Variants in PIWIL3 observed in about 807,000 individuals in gnomAD.
The protein encoded by PIWIL3 is piwi-like protein 3.
In PIWIL3, 101 loss-of-function variants were observed where a neutral mutation model predicts 109.7. The ratio of observed to expected loss-of-function variants is 0.92; its 90% CI spans 0.78 to 1.09. PIWIL3 has a LOEUF of 1.09. Among genes scored for constraint, PIWIL3 ranks in the 50% least tolerant of loss-of-function variants. The pLI is 0.00. For missense variants in PIWIL3, 1,031 were observed against 1,072.6 expected (o/e 0.96, Z 0.54); for synonymous variants, 373 against 376.4 (o/e 0.99, Z 0.10).
Position 24,754,791 on chromosome 22 carries a change from G to T in PIWIL3, c.766C>A (p.Arg256Ser). The T allele has an allele frequency of 6.2e-7, 1 of 1,602,830 alleles. No homozygotes were observed. The highest frequency in any genetic ancestry group is 8.5e-7 in the Non-Finnish European group (1 of 1,170,020). Residue 256 changes from arginine to serine, a missense_variant, in exon 7 of 21, where the codon CGT becomes AGT. Coordinates refer to ENST00000616349, the MANE Select transcript of PIWIL3 (RefSeq NM_001255975.1). ...YTKKKAIQLY[R>S]HGTSLEIWLG... is the part of the protein sequence containing the mutation. ...TTTCTACTTTATACAAACCCATGACGGTATAACTGAATGGCCTTCTTTTTG... is the reference window on the plus strand; with the variant it reads ...TTTCTACTTTATACAAACCCATGACTGTATAACTGAATGGCCTTCTTTTTG...
intron 4 of PIWIL3, among the ~76,000 whole-genome samples, 156 bp from the exon 5 acceptor site, chr22:24,756,861 C>G (rs1925067203): frequency 6.6e-6 from 1 of 152,010 alleles, no homozygotes; most frequent in Admixed American, 6.5e-5. Flanking sequence ...GGGTGGATCA[C>G]CTGACATCAG....
intron 1 of PIWIL3, among the ~76,000 whole-genome samples, chr22:24,763,909 C>A (rs1419873611): frequency 1.3e-5 from 2 of 152,218 alleles, no homozygotes; most frequent in African/African-American, 4.8e-5. Context: ...CGCTATGCAC[C>A]GGCGCTCTGT....
At chr22:24,761,043 G>A (rs181527233) in intron 2 of PIWIL3, among the ~76,000 whole-genome samples, 73 of 152,230 alleles carry the variant, frequency 4.8e-4, no homozygotes, top group African/African-American at 1.7e-3. Flanking sequence ...TTTGGCCTGA[G>A]CAAATGGAAG....
chr22:24,762,075 T>C (rs1925471787), intron 2 of PIWIL3: 23 of 963,840 alleles, frequency 2.4e-5, no homozygotes, highest in Non-Finnish European at 2.8e-5. Flanking sequence ...GCCAGTACCT[T>C]CAGGAAGTTG....
intron 2 of PIWIL3, among the ~76,000 whole-genome samples, chr22:24,760,603 A>AC (rs1925369064): frequency 2.0e-5 from 3 of 151,118 alleles, no homozygotes; most frequent in African/African-American, 4.9e-5. Flanking sequence ...ACATGGAGAA[A>AC]CCCCCGTCTC....
At position 24,719,213 on chromosome 22, in the gene PIWIL3, A is replaced by ACGTTC. The variant is rs1470593152; in HGVS notation, c.*254_*258dup. ...TGCTTGGGGTGGAAAATGTTCAGTC[A>ACGTTC]CGTTCAGCTGTGAGATCTCTGTCAC... On this transcript the variant is annotated 3_prime_UTR_variant, in exon 21 of 21. Coordinates refer to ENST00000616349, the MANE Select transcript of PIWIL3 (RefSeq NM_001255975.1). 16 of 200,620 alleles carry ACGTTC rather than the reference A, an allele frequency of 8.0e-5. No homozygotes were observed. Among genetic ancestry groups the ACGTTC allele is most frequent in the African/African-American group, 3.5e-4 (15 of 43,222 alleles). The allele number at this position is 200,620 out of a possible 1,614,324, so 12.4% of individuals were successfully genotyped here. A position where few individuals can be genotyped will look rare whatever the true frequency, so the allele number is the denominator to read the frequency against.
intron 16 of PIWIL3, among the ~76,000 whole-genome samples, chr22:24,725,831 C>CG (rs1922958662): frequency 7.9e-6 from 1 of 127,320 alleles, no homozygotes; most frequent in Non-Finnish European, 1.9e-5. Context: ...TGTGCTCCCC[C>CG]TGGTTCCTGC....
At chr22:24,731,255 C>CTA (rs1923328905) in intron 14 of PIWIL3, among the ~76,000 whole-genome samples, 1 of 152,182 alleles carries the variant, frequency 6.6e-6, no homozygotes, top group South Asian at 2.1e-4. Flanking sequence ...AGCAGACAAG[C>CTA]TAAGGGTAAT....
intron 14 of PIWIL3, among the ~76,000 whole-genome samples, chr22:24,731,713 CAT>C (rs1923360907): frequency 6.6e-6 from 1 of 151,728 alleles, no homozygotes; most frequent in Non-Finnish European, 1.5e-5. Context: ...TAGACATAGA[CAT>C]ATAGCTTAGA....
At chr22:24,754,947 C>T (rs1359540827) in intron 6 of PIWIL3, 83 bp from the exon 7 acceptor site, 13 of 1,054,850 alleles carry the variant, frequency 1.2e-5, no homozygotes, top group Non-Finnish European at 1.9e-5. Context: ...GAAAAAAAAT[C>T]TGTCAATGAC....
Position 24,762,398 on chromosome 22 carries a change from T to C in PIWIL3, c.102A>G (p.Thr34=). 1 of 1,612,924 alleles carries C rather than the reference T, an allele frequency of 6.2e-7. No individual in the cohort carries two copies. The highest frequency in any genetic ancestry group is 8.5e-7 in the Non-Finnish European group (1 of 1,179,568). Residue 34 remains threonine, a splice_region_variant and synonymous_variant, in exon 2 of 21, where the codon ACA becomes ACG. Transcript: ENST00000616349. ...AAGGAAACAACGTTACAGGGCTCAC[T>C]GTAGCTGATCCAGGTGCTCTGGGTC... ...PGGPRAPGSA[T]TQEPPQLQST...
intron 12 of PIWIL3, among the ~76,000 whole-genome samples, chr22:24,736,225 C>A (rs1601830441): frequency 6.6e-6 from 1 of 152,290 alleles, no homozygotes; most frequent in East Asian, 1.9e-4. Flanking sequence ...TAGGGTCCTT[C>A]CACTCTAATA....
Position 24,754,009 on chromosome 22 carries a change from C to A in PIWIL3, c.977+5G>T. ...ATTGGATAGGTTTTTAAAAGACAGA[C>A]TTACTTTGTCAGAACAATTGATCCA... On this transcript the variant is annotated splice_donor_5th_base_variant and intron_variant, in intron 8 of 20. Transcript: ENST00000616349. 1 of 1,592,374 alleles carries A rather than the reference C, an allele frequency of 6.3e-7. No homozygotes were observed. The highest frequency in any genetic ancestry group is 8.6e-7 in the Non-Finnish European group (1 of 1,160,400).
chr22:24,740,443 G>A (rs1923935066), intron 12 of PIWIL3, among the ~76,000 whole-genome samples: 2 of 151,300 alleles, frequency 1.3e-5, no homozygotes, highest in South Asian at 4.2e-4. Flanking sequence ...CGTTGCTTGG[G>A]AGGCTGAGGC....
chr22:24,735,950 A>G, intron 12 of PIWIL3, 58 bp from the exon 13 acceptor site: 6 of 1,393,568 alleles, frequency 4.3e-6, no homozygotes, highest in Non-Finnish European at 5.9e-6. Context: ...AACTTATCTG[A>G]GATCCTGTAC....
At chr22:24,754,893 A>G in intron 6 of PIWIL3, 29 bp from the exon 7 acceptor site, 1 of 1,574,174 alleles carries the variant, frequency 6.4e-7, no homozygotes, top group Non-Finnish European at 8.7e-7. Flanking sequence ...GATTTTGTTG[A>G]AAGTACAGGG....
chr22:24,769,418 C>T (rs1925994919), intron 1 of PIWIL3, among the ~76,000 whole-genome samples: 2 of 152,174 alleles, frequency 1.3e-5, no homozygotes, highest in African/African-American at 4.8e-5. Flanking sequence ...CGAGACCATA[C>T]TAGCTAACAT....
At chr22:24,755,059 C>T (rs17662654) in intron 6 of PIWIL3, among the ~76,000 whole-genome samples, 195 bp from the exon 7 acceptor site, 2 of 152,174 alleles carry the variant, frequency 1.3e-5, no homozygotes, top group African/African-American at 4.8e-5. Flanking sequence ...TCCTTATAAA[C>T]ATAATATTGT....
chr22:24,757,527 TG>T (rs1320354166), intron 4 of PIWIL3, among the ~76,000 whole-genome samples: 2 of 141,662 alleles, frequency 1.4e-5, no homozygotes, highest in East Asian at 2.2e-4. Context: ...AGCTCATTCC[TG>T]TAATCTCAGC....
Sources: allele counts gnomAD v4.1 joint callset (sites outside exome capture counted in the v4.1 genomes callset), GRCh38; gene constraint gnomAD v4.1.1; transcripts MANE v1.5; gene names NCBI Gene and HGNC (gene_info 2026-07-23, HGNC 2026-07-21).